LRRC37A2: variants seen among roughly 807,000 people sequenced by gnomAD.
LRRC37A2 encodes the protein leucine-rich repeat-containing protein 37A2.
Under a neutral mutation model 68.8 loss-of-function variants are expected in LRRC37A2, and 9 were observed. The ratio of observed to expected loss-of-function variants is 0.13; its 90% CI spans 0.08 to 0.23. The LOEUF is 0.23. LRRC37A2 is among the 10% of genes least tolerant of loss of function. The pLI is 1.00. For synonymous variants in LRRC37A2, 63 were observed against 367.6 expected, an observed-to-expected ratio of 0.17 and a Z score of 9.48; for missense variants, 168 against 950.4, an observed-to-expected ratio of 0.18 and a Z score of 10.82.
At chr17:46,709,392 T>G in the LRRC37A2 span, among the ~76,000 whole-genome samples, 1 of 152,080 alleles carries the variant, frequency 6.6e-6, no homozygotes, top group African/African-American at 2.4e-5. Context: ...ACGTTATATA[T>G]CTTGGGAGAG....
chr17:46,849,681 G>A, the LRRC37A2 span, among the ~76,000 whole-genome samples: 9 of 152,192 alleles, frequency 5.9e-5, no homozygotes, highest in Non-Finnish European at 1.3e-4. Flanking sequence ...GTGGCATGAA[G>A]TCAGCCATGA....
the LRRC37A2 span, among the ~76,000 whole-genome samples, chr17:46,967,238 G>A: frequency 1.3e-5 from 2 of 152,232 alleles, no homozygotes; most frequent in Admixed American, 6.5e-5. Context: ...CAGTCTGCCT[G>A]GGTTTGGATC....
chr17:46,977,096 A>ACT, the LRRC37A2 span, among the ~76,000 whole-genome samples: 1 of 151,996 alleles, frequency 6.6e-6, no homozygotes, highest in African/African-American at 2.4e-5. Flanking sequence ...AGCCAGGACG[A>ACT]CTCTGGATCC....
At chr17:47,000,063 T>TAAAATAAA in the LRRC37A2 span, among the ~76,000 whole-genome samples, 2,112 of 17,520 alleles carry the variant, frequency 0.12, 250 homozygotes, top group South Asian at 0.38. Flanking sequence ...TAAAATAAAA[T>TAAAATAAA]TAAAATAAAA....
At chr17:46,779,103 A>ACACACACACACCC in the LRRC37A2 span, among the ~76,000 whole-genome samples, 18 of 133,656 alleles carry the variant, frequency 1.3e-4, 1 homozygote, top group Middle Eastern at 3.7e-3. Context: ...ACACACACAC[A>ACACACACACACCC]CCCCAGCCCA....
At chr17:46,893,017 C>A in the LRRC37A2 span, among the ~76,000 whole-genome samples, 1 of 151,904 alleles carries the variant, frequency 6.6e-6, no homozygotes. Context: ...CACACTGCAA[C>A]CTCTGCCTCC....
At chr17:46,993,193 T>A in the LRRC37A2 span, among the ~76,000 whole-genome samples, 1 of 152,236 alleles carries the variant, frequency 6.6e-6, no homozygotes, top group Admixed American at 6.5e-5. Flanking sequence ...CTTTTTGTTT[T>A]AGGCAAAACT....
upstream of LRRC37A2, among the ~76,000 whole-genome samples, chr17:46,509,919 AAAAAG>A (rs909785128): frequency 2.5e-4 from 17 of 68,266 alleles, 4 homozygotes; most frequent in African/African-American, 6.6e-4. Flanking sequence ...GGAAAAAAAA[AAAAAG>A]AAAAGAAAAA....
chr17:46,769,983 A>T, the LRRC37A2 span: 1 of 1,609,222 alleles, frequency 6.2e-7, no homozygotes, highest in Non-Finnish European at 8.5e-7. Context: ...TCGGCGCAGG[A>T]GCGGGTGACG....
intron 2 of LRRC37A2, among the ~76,000 whole-genome samples, chr17:46,516,490 G>T (rs1305507682): frequency 4.2e-5 from 6 of 143,818 alleles, no homozygotes; most frequent in Admixed American, 2.8e-4. Context: ...GCCATAATTT[G>T]TTAAATAGGA....
At chr17:46,765,493 C>T in the LRRC37A2 span, among the ~76,000 whole-genome samples, 2 of 152,260 alleles carry the variant, frequency 1.3e-5, no homozygotes, top group Admixed American at 6.5e-5. Flanking sequence ...ATTTGACAGG[C>T]GCTCTCTCCT....
At chr17:46,911,711 C>T in the LRRC37A2 span, among the ~76,000 whole-genome samples, 3 of 151,982 alleles carry the variant, frequency 2.0e-5, no homozygotes, top group African/African-American at 4.8e-5. Context: ...GGTAAAACCC[C>T]GTCTCAACTT....
the LRRC37A2 span, chr17:46,818,760 A>T: frequency 1.4e-6 from 1 of 738,534 alleles, no homozygotes; most frequent in Non-Finnish European, 2.3e-6. Flanking sequence ...AGCGCGGAGC[A>T]GCCGGGTTTG....
the LRRC37A2 span, among the ~76,000 whole-genome samples, chr17:46,804,475 G>A: frequency 1.3e-5 from 2 of 152,062 alleles, no homozygotes; most frequent in Admixed American, 6.5e-5. Context: ...CCTGCCCTAT[G>A]GGGAAGGGAA....
At chr17:46,724,761 A>G in the LRRC37A2 span, among the ~76,000 whole-genome samples, 2 of 152,208 alleles carry the variant, frequency 1.3e-5, no homozygotes, top group Admixed American at 1.3e-4. Context: ...ATAAGAATTC[A>G]AAAATATTTG....
chr17:46,898,542 G>C, the LRRC37A2 span, among the ~76,000 whole-genome samples: 2 of 152,166 alleles, frequency 1.3e-5, no homozygotes, highest in African/African-American at 2.4e-5. Flanking sequence ...GCACAAGTAA[G>C]ACCTGGAGAA....
chr17:46,896,428 A>AAG, the LRRC37A2 span, among the ~76,000 whole-genome samples: 10 of 85,866 alleles, frequency 1.2e-4, no homozygotes, highest in East Asian at 8.3e-4. Context: ...GAAAGAAAGA[A>AAG]AGAAAGAAAG....
At chr17:46,726,342 A>T in the LRRC37A2 span, among the ~76,000 whole-genome samples, 2 of 152,210 alleles carry the variant, frequency 1.3e-5, no homozygotes, top group African/African-American at 4.8e-5. Flanking sequence ...CCCAGGTGTG[A>T]CACACACAGC....
the LRRC37A2 span, among the ~76,000 whole-genome samples, chr17:46,808,721 CACTT>C: frequency 6.6e-6 from 1 of 152,104 alleles, no homozygotes; most frequent in Non-Finnish European, 1.5e-5. Flanking sequence ...ATGACTTAGA[CACTT>C]AAGCATCGTG....
Sources: gnomAD v4.1 joint callset for allele counts (sites outside exome capture counted in the v4.1 genomes callset) on GRCh38, gnomAD v4.1.1 for gene constraint, MANE v1.5 for transcripts, NCBI Gene and HGNC (gene_info 2026-07-23, HGNC 2026-07-21) for gene names.